TSNARE1: variants seen among roughly 807,000 people sequenced by gnomAD.
The protein encoded by TSNARE1 is t-SNARE domain-containing protein 1.
TSNARE1 carries 49 observed loss-of-function variants against 62.0 expected under a neutral mutation model. The observed-to-expected ratio is 0.79, with a 90% CI of 0.63 to 1.00. TSNARE1 has a LOEUF of 1.00. TSNARE1 is among the 50% of genes least tolerant of loss of function. TSNARE1 has a pLI of 0.00. For missense variants in TSNARE1, 755 were observed against 700.1 expected (o/e 1.08, Z -0.88); for synonymous variants, 328 against 294.4 (o/e 1.11, Z -1.17).
In TSNARE1 at chr8:142,279,794, C is replaced by T. The variant is rs1462583394; in HGVS notation, c.1363+4619G>A. 20 of 859,826 alleles carry T rather than the reference C, an allele frequency of 2.3e-5. No homozygotes were observed. In the South Asian group the frequency reaches 5.8e-4, roughly 25 times the overall value. The allele number at this position is 859,826 out of a possible 1,614,324, so 53.3% of individuals were successfully genotyped here. On this transcript the variant is annotated intron_variant, in intron 11 of 13. Coordinates refer to ENST00000524325, the MANE Select transcript of TSNARE1 (RefSeq NM_145003.5). ...CTGGTGCAGAAGGCTCAAGCCCACT[C>T]GCCGGCCCTGCTTGCCCCAGGGCAG...
At chr8:142,254,143 C>G (rs911535891) in intron 12 of TSNARE1, among the ~76,000 whole-genome samples, 1 of 152,244 alleles carries the variant, frequency 6.6e-6, no homozygotes, top group Non-Finnish European at 1.5e-5. Context: ...GGAGCCCGGC[C>G]GGCTGGAAGC....
intron 1 of TSNARE1, among the ~76,000 whole-genome samples, chr8:142,385,694 A>C (rs1837068001): frequency 6.6e-6 from 1 of 152,260 alleles, no homozygotes; most frequent in African/African-American, 2.4e-5. Flanking sequence ...AACACTGAGA[A>C]AGGTACTATT....
chr8:142,275,482 A>G (rs1311742757), intron 11 of TSNARE1: 2 of 985,250 alleles, frequency 2.0e-6, no homozygotes, highest in African/African-American at 3.5e-5. Context: ...CACGGGAGAC[A>G]CCAGACCAGG....
chr8:142,269,964 A>T, intron 12 of TSNARE1: 1 of 985,444 alleles, frequency 1.0e-6, no homozygotes, highest in Non-Finnish European at 1.2e-6. Context: ...GGGATGCTGT[A>T]GTCTTTTGAC....
chr8:142,281,567 G>A (rs576929761), intron 11 of TSNARE1, among the ~76,000 whole-genome samples: 1 of 151,988 alleles, frequency 6.6e-6, no homozygotes, highest in African/African-American at 2.4e-5. Context: ...CACAAGCAGA[G>A]GAGGCCACAG....
At chr8:142,230,922 GTCCA>G (rs1226894096) in intron 12 of TSNARE1, among the ~76,000 whole-genome samples, 10 of 146,148 alleles carry the variant, frequency 6.8e-5, no homozygotes, top group African/African-American at 2.3e-4. Context: ...CTATCCATCT[GTCCA>G]TCCATCCATC....
At chr8:142,273,578 C>T (rs534588143) in intron 12 of TSNARE1, 4 of 985,260 alleles carry the variant, frequency 4.1e-6, no homozygotes, top group Middle Eastern at 5.2e-4. Flanking sequence ...CCCGGCCTGG[C>T]GTTCACCAGC....
chr8:142,374,774 G>A (rs942131926), intron 1 of TSNARE1, among the ~76,000 whole-genome samples: 4 of 151,894 alleles, frequency 2.6e-5, no homozygotes, highest in African/African-American at 9.7e-5. Context: ...AGGAGGCTCT[G>A]AGAAGGCTCT....
At chr8:142,277,384 T>G (rs937612999) in intron 11 of TSNARE1, 2 of 985,242 alleles carry the variant, frequency 2.0e-6, no homozygotes, top group Non-Finnish European at 2.4e-6. Flanking sequence ...CAGGGACCCC[T>G]GTGGGAGACC....
At chr8:142,393,089 T>C (rs998895730) in intron 1 of TSNARE1, among the ~76,000 whole-genome samples, 8 of 151,906 alleles carry the variant, frequency 5.3e-5, no homozygotes, top group African/African-American at 1.9e-4. Context: ...CTATTCAAAA[T>C]AGTAAAGTAA....
At chr8:142,385,428 TG>T (rs1384203060) in intron 1 of TSNARE1, among the ~76,000 whole-genome samples, 2 of 152,230 alleles carry the variant, frequency 1.3e-5, no homozygotes, top group African/African-American at 2.4e-5. Context: ...TCAATGAGCA[TG>T]AACTATTAAT....
chr8:142,226,848 GC>G (rs1212886249), intron 13 of TSNARE1, among the ~76,000 whole-genome samples: 1 of 152,068 alleles, frequency 6.6e-6, no homozygotes, highest in Non-Finnish European at 1.5e-5. Flanking sequence ...TGTGGGCCCT[GC>G]CCCACCTCAC....
chr8:142,306,275 T>C (rs1826649477), intron 9 of TSNARE1, among the ~76,000 whole-genome samples: 1 of 152,094 alleles, frequency 6.6e-6, no homozygotes, highest in African/African-American at 2.4e-5. Context: ...GCCTCAAACA[T>C]GGAGGCGTGT....
intron 11 of TSNARE1, chr8:142,275,390 G>C: frequency 7.1e-6 from 7 of 985,432 alleles, no homozygotes; most frequent in Non-Finnish European, 8.4e-6. Flanking sequence ...TGCCGTGCGG[G>C]GATCACGGGA....
At chr8:142,392,510 T>TAC (rs1339726369) in intron 1 of TSNARE1, among the ~76,000 whole-genome samples, 1 of 152,214 alleles carries the variant, frequency 6.6e-6, no homozygotes, top group Non-Finnish European at 1.5e-5. Context: ...TACCCTGCAC[T>TAC]ACATCATGAC....
intron 3 of TSNARE1, 95 bp downstream of exon 3, chr8:142,345,648 C>T: frequency 3.6e-6 from 5 of 1,406,158 alleles, no homozygotes; most frequent in Non-Finnish European, 2.8e-6. Context: ...AGCCTCCTCC[C>T]TGCAGCTCCC....
chr8:142,380,767 C>A (rs765035753), intron 1 of TSNARE1, among the ~76,000 whole-genome samples: 1 of 152,176 alleles, frequency 6.6e-6, no homozygotes, highest in Non-Finnish European at 1.5e-5. Context: ...TCTGAGTGGC[C>A]ACCAGGGACG....
In TSNARE1 at chr8:142,384,143, A is replaced by T. The variant is rs148780574; in HGVS notation, c.-40+18961T>A. Among the ~76,000 whole-genome samples, 44 of 152,288 alleles carry T rather than the reference A, an allele frequency of 2.9e-4. 3 individuals carry two copies. Among genetic ancestry groups the T allele is most frequent in the African/African-American group, 1.0e-3 (43 of 41,558 alleles). ...GCGTCAGGAGCCTCCTGAACAGTCG[A>T]CAGACCCAAGCAGCAGAGTAGGGAC... is the stretch of plus-strand genomic sequence containing the variant. On this transcript the variant is annotated intron_variant, in intron 1 of 13. Coordinates refer to ENST00000524325, the MANE Select transcript of TSNARE1 (RefSeq NM_145003.5).
chr8:142,238,660 A>C (rs1563769349), intron 12 of TSNARE1, among the ~76,000 whole-genome samples: 1 of 147,768 alleles, frequency 6.8e-6, no homozygotes, highest in African/African-American at 2.5e-5. Context: ...CTCCTGCCTC[A>C]CCTCCCCAGC....
Sources: gnomAD v4.1 joint callset for allele counts (sites outside exome capture counted in the v4.1 genomes callset) on GRCh38, gnomAD v4.1.1 for gene constraint, MANE v1.5 for transcripts, NCBI Gene and HGNC (gene_info 2026-07-23, HGNC 2026-07-21) for gene names.